The following ADGRL3 variants were observed in gnomAD, a reference collection of about 807,000 sequenced individuals.
ADGRL3 encodes adhesion G protein-coupled receptor L3.
A neutral mutation model predicts 153.5 loss-of-function variants in ADGRL3; 62 were observed. That is an observed-to-expected ratio of 0.40 (90% CI 0.33 to 0.50). The LOEUF (loss-of-function observed/expected upper bound fraction) is 0.50. Ranked by LOEUF, ADGRL3 falls within the 20% of genes least tolerant of loss-of-function variation. The probability of loss-of-function intolerance (pLI) is 0.47; values close to 1 mark genes in which losing one functional copy is unlikely to be tolerated. For missense variants in ADGRL3, 1,641 were observed against 1,859.4 expected (o/e 0.88, Z 2.16); for synonymous variants, 710 against 672.5 (o/e 1.06, Z -0.86).
intron 6 of ADGRL3, among the ~76,000 whole-genome samples, chr4:61,726,210 G>GTTTTTTTTTGTTTTTTTTTTTTTT (rs149472429): frequency 8.4e-6 from 1 of 118,480 alleles, no homozygotes; most frequent in Admixed American, 1.0e-4. Context: ...TTTTTTTTTT[G>GTTTTTTTTTGTTTTTTTTTTTTTT]TTTTTTGAGA....
chr4:61,569,382 T>A (rs2098829465), intron 4 of ADGRL3, among the ~76,000 whole-genome samples: 2 of 152,134 alleles, frequency 1.3e-5, no homozygotes, highest in African/African-American at 4.8e-5. Flanking sequence ...TTAGAATATT[T>A]TAATCATCCC....
intron 5 of ADGRL3, among the ~76,000 whole-genome samples, chr4:61,595,889 T>A (rs915274468): frequency 5.3e-5 from 8 of 152,112 alleles, no homozygotes; most frequent in Admixed American, 3.9e-4. Flanking sequence ...CCTTCTTGTG[T>A]GGGTGCTGGC....
At chr4:61,300,449 C>A (rs911266580) in intron 1 of ADGRL3, among the ~76,000 whole-genome samples, 1 of 152,110 alleles carries the variant, frequency 6.6e-6, no homozygotes, top group African/African-American at 2.4e-5. Flanking sequence ...AAATCAATAT[C>A]CTTTAGATTG....
chr4:61,792,655 A>G (rs2097357624), intron 8 of ADGRL3, among the ~76,000 whole-genome samples: 1 of 151,792 alleles, frequency 6.6e-6, no homozygotes, highest in African/African-American at 2.4e-5. Context: ...ACACCCAGCT[A>G]ATTTTTGTAT....
intron 4 of ADGRL3, among the ~76,000 whole-genome samples, chr4:61,546,359 T>C (rs913305965): frequency 6.6e-6 from 1 of 152,196 alleles, no homozygotes; most frequent in Non-Finnish European, 1.5e-5. Context: ...TGAGAACCTG[T>C]TGTTAAATTT....
chr4:61,998,072 T>G lies in ADGRL3; in HGVS notation c.3304-102T>G, dbSNP rs1002197074. The G allele has an allele frequency of 1.8e-5, 9 of 503,316 alleles. No individual in the cohort carries two copies. In the Admixed American group the frequency reaches 2.4e-4, roughly 13 times the overall value. The allele number at this position is 503,316 out of a possible 1,614,324, so 31.2% of individuals were successfully genotyped here. ...CGATCCAATTCCTTTAAAAGTGTAG[T>G]GAGACCTAATTTCCCAGAACAACTC... On this transcript the variant is annotated intron_variant, in intron 20 of 26. Transcript: ENST00000683033.
chr4:61,617,744 T>C (rs1488318058), intron 5 of ADGRL3, among the ~76,000 whole-genome samples: 1 of 152,218 alleles, frequency 6.6e-6, no homozygotes, highest in Non-Finnish European at 1.5e-5. Flanking sequence ...CTGAATGTTA[T>C]TTGCATTACT....
intron 17 of ADGRL3, among the ~76,000 whole-genome samples, chr4:61,974,944 T>C (rs2099042891): frequency 6.6e-6 from 1 of 152,158 alleles, no homozygotes; most frequent in African/African-American, 2.4e-5. Context: ...CAACTTGTAG[T>C]TTGAATCAAA....
intron 4 of ADGRL3, among the ~76,000 whole-genome samples, chr4:61,544,055 G>A (rs76195540): frequency 0.022 from 3,410 of 152,228 alleles, 112 homozygotes; most frequent in African/African-American, 0.076. Flanking sequence ...CGTGACAAGC[G>A]TTGTACTGGA....
chr4:61,827,875 AGTGG>A (rs1370111938), intron 9 of ADGRL3, among the ~76,000 whole-genome samples: 4 of 149,282 alleles, frequency 2.7e-5, no homozygotes, highest in African/African-American at 1.0e-4. Context: ...ATGACTGCAA[AGTGG>A]TTCCTTTCAG....
intron 1 of ADGRL3, among the ~76,000 whole-genome samples, chr4:61,338,229 C>G (rs975333372): frequency 5.3e-5 from 8 of 151,650 alleles, no homozygotes; most frequent in Non-Finnish European, 1.2e-4. Context: ...TGAGATTATG[C>G]CACCGCACTC....
intron 9 of ADGRL3, among the ~76,000 whole-genome samples, chr4:61,860,925 GATCGTTA>G (rs2098334303): frequency 6.6e-6 from 1 of 152,294 alleles, no homozygotes; most frequent in South Asian, 2.1e-4. Context: ...TGTTCAGTCT[GATCGTTA>G]AGTCTTTGCA....
rs1747322672 is a variant in ADGRL3, at chr4:62,076,884, T to TA, written c.*5977dup. 1 of 151,632 alleles carries TA rather than the reference T, an allele frequency of 6.6e-6. No individual in the cohort carries two copies. The highest frequency in any genetic ancestry group is 1.5e-5 in the Non-Finnish European group (1 of 67,782). 9.4% of individuals were successfully genotyped at this position (151,632 alleles called of 1,614,324 possible). ...CTCTATTATGAATCTTTCTAATACATATGAAATTAATATTATATTAGAATT... is the reference window on the plus strand; with the variant it reads ...CTCTATTATGAATCTTTCTAATACATAATGAAATTAATATTATATTAGAATT... On this transcript the variant is annotated 3_prime_UTR_variant, in exon 27 of 27. Transcript: ENST00000683033.
At chr4:61,307,953 G>A (rs79916037) in intron 1 of ADGRL3, among the ~76,000 whole-genome samples, 1,637 of 152,230 alleles carry the variant, frequency 0.011, 32 homozygotes, top group African/African-American at 0.037. Flanking sequence ...TTTTAAAAAC[G>A]CTAGTTGCCT....
chr4:61,382,591 T>A (rs1361449730), intron 1 of ADGRL3, among the ~76,000 whole-genome samples: 1 of 151,840 alleles, frequency 6.6e-6, no homozygotes, highest in East Asian at 1.9e-4. Context: ...TTTCTTTCTA[T>A]TTTTTAAATC....
At chr4:61,705,780 A>C (rs184921171) in intron 6 of ADGRL3, among the ~76,000 whole-genome samples, 47 of 152,268 alleles carry the variant, frequency 3.1e-4, no homozygotes, top group African/African-American at 1.1e-3. Flanking sequence ...CTAAGATTAC[A>C]GGCATGAACC....
chr4:61,753,148 A>G (rs2096777306), intron 8 of ADGRL3, among the ~76,000 whole-genome samples: 1 of 151,372 alleles, frequency 6.6e-6, no homozygotes, highest in Admixed American at 6.6e-5. Context: ...GACACCATAA[A>G]GGTAGAAATA....
chr4:61,222,482 C>G (rs1746071709), intron 1 of ADGRL3, among the ~76,000 whole-genome samples: 1 of 152,048 alleles, frequency 6.6e-6, no homozygotes, highest in Non-Finnish European at 1.5e-5. Context: ...GTAAGACAAA[C>G]TGCTTGCTTC....
chr4:61,363,988 G>A (rs1165379611), intron 1 of ADGRL3, among the ~76,000 whole-genome samples: 1 of 152,002 alleles, frequency 6.6e-6, no homozygotes, highest in Non-Finnish European at 1.5e-5. Context: ...ATTGGTGGGC[G>A]TGGTCAAATA....
Sources: allele counts gnomAD v4.1 joint callset (sites outside exome capture counted in the v4.1 genomes callset), GRCh38; gene constraint gnomAD v4.1.1; transcripts MANE v1.5; gene names NCBI Gene and HGNC (gene_info 2026-07-23, HGNC 2026-07-21).